SATB2: variants seen among roughly 807,000 people sequenced by gnomAD.
SATB2 encodes SATB homeobox 2.
Under a neutral mutation model 73.4 loss-of-function variants are expected in SATB2, and 1 was observed. The observed-to-expected ratio is 0.01, with a 90% confidence interval of 0.00 to 0.06. The LOEUF is 0.06. Ranked by LOEUF, SATB2 falls within the 10% of genes least tolerant of loss-of-function variation. The probability of loss-of-function intolerance (pLI) is 1.00; values close to 1 mark genes in which losing one functional copy is unlikely to be tolerated. For synonymous variants in SATB2, 397 were observed against 367.0 expected, an observed-to-expected ratio of 1.08 and a Z score of -0.93; for missense variants, 459 against 945.8, an observed-to-expected ratio of 0.49 and a Z score of 6.75.
At chr2:199,448,640 T>A (rs937979077) in intron 2 of SATB2, among the ~76,000 whole-genome samples, 1 of 152,124 alleles carries the variant, frequency 6.6e-6, no homozygotes, top group African/African-American at 2.4e-5. Flanking sequence ...ATTATATACA[T>A]AAATATCTGT....
intron 3 of SATB2, among the ~76,000 whole-genome samples, chr2:199,431,900 A>C (rs1203605941): frequency 6.6e-6 from 1 of 152,220 alleles, no homozygotes; most frequent in Non-Finnish European, 1.5e-5. Flanking sequence ...AAATATCCCT[A>C]AAGTGGCATG....
At chr2:199,468,451 G>T (rs958709666), upstream of SATB2, among the ~76,000 whole-genome samples, 4 of 152,096 alleles carry the variant, frequency 2.6e-5, no homozygotes, top group African/African-American at 9.7e-5. Flanking sequence ...CGCCTGGCAG[G>T]GCCTTCGCTT....
Position 199,269,550 on chromosome 2 carries a change from T to C in SATB2, c.*2661A>G, listed in dbSNP as rs1462877045. ...TAACAACCAAAAAATTCTAACAGCC[T>C]AACAATGCACATAAGTTAAAAATTA... On this transcript the variant is annotated 3_prime_UTR_variant, in exon 11 of 11. Coordinates refer to ENST00000417098, the MANE Select transcript of SATB2 (RefSeq NM_001172509.2). 1 of 152,754 alleles carries C rather than the reference T, an allele frequency of 6.5e-6. No homozygotes were observed. Among genetic ancestry groups the C allele is most frequent in the African/African-American group, 2.4e-5 (1 of 41,440 alleles). The allele number at this position is 152,754 out of a possible 1,614,324, so 9.5% of individuals were successfully genotyped here.
Position 199,295,474 on chromosome 2 carries a change from C to A in SATB2, c.1740+13286G>T, listed in dbSNP as rs1693003056. On this transcript the variant is annotated intron_variant, in intron 10 of 10. Transcript: ENST00000417098. ...CACCAGTTTTTGTAGTGTGAATAATCCCACCATGGCCAGTTTCACGCTGCC... is the reference window on the plus strand; with the variant it reads ...CACCAGTTTTTGTAGTGTGAATAATACCACCATGGCCAGTTTCACGCTGCC... 4.0e-5 allele frequency among the ~76,000 whole-genome samples: 6 copies of A among 151,652 alleles called. No homozygotes were observed. In the South Asian group the frequency reaches 1.0e-3, roughly 26 times the overall value.
At chr2:199,318,388 A>T (rs986064754) in intron 9 of SATB2, among the ~76,000 whole-genome samples, 3 of 152,130 alleles carry the variant, frequency 2.0e-5, no homozygotes, top group Non-Finnish European at 4.4e-5. Context: ...AAGGCTAGGA[A>T]ACTAAGTAAT....
At chr2:199,337,953 G>A (rs1688384728) in intron 7 of SATB2, among the ~76,000 whole-genome samples, 1 of 152,030 alleles carries the variant, frequency 6.6e-6, no homozygotes, top group African/African-American at 2.4e-5. Context: ...ATAAATAACA[G>A]AATTTAAAGC....
In SATB2 at chr2:199,437,714, G is replaced by C. The variant is rs141541918; in HGVS notation, c.170-4200C>G. Among the ~76,000 whole-genome samples the C allele has an allele frequency of 4.7e-3, 723 of 152,220 alleles. 7 individuals are homozygous for C. Among genetic ancestry groups the C allele is most frequent in the Non-Finnish European group, 8.7e-3 (593 of 68,008 alleles). ...AGATTAAACAATTTTACATATTTAA[G>C]TTGTCTGACAGATAGCTCTCAAACA... is the stretch of plus-strand genomic sequence containing the variant. On this transcript the variant is annotated intron_variant, in intron 2 of 10. Transcript: ENST00000417098.
intron 6 of SATB2, among the ~76,000 whole-genome samples, chr2:199,359,054 C>T (rs989927323): frequency 1.3e-5 from 2 of 152,054 alleles, no homozygotes; most frequent in African/African-American, 2.4e-5. Context: ...GAATTCAGCA[C>T]ATGATAGTAA....
Position 199,380,311 on chromosome 2 carries a change from G to C in SATB2, c.597+53C>G, listed in dbSNP as rs1689731442. On this transcript the variant is annotated intron_variant, in intron 5 of 10. Transcript: ENST00000417098. ...TAAGCAGAAGGAACCCCCTGATAGA[G>C]AGTCTACCAATGGCTTCTTCTGTTT... 8.1e-6 allele frequency: 13 copies of C among 1,609,212 alleles called. No homozygotes were observed. The South Asian group carries it at 1.2e-4, about 15-fold the overall frequency.
intron 10 of SATB2, among the ~76,000 whole-genome samples, chr2:199,305,386 T>C (rs1053183601): frequency 1.6e-4 from 24 of 151,920 alleles, no homozygotes; most frequent in Admixed American, 1.4e-3. Flanking sequence ...TCCGAAAAAA[T>C]AACTAATGGG....
chr2:199,418,382 C>T (rs572550622), intron 3 of SATB2, among the ~76,000 whole-genome samples: 1 of 152,284 alleles, frequency 6.6e-6, no homozygotes, highest in South Asian at 2.1e-4. Flanking sequence ...TGAGCGAAGT[C>T]ATCGTGATCA....
In SATB2 at chr2:199,272,292, G is replaced by A. The variant is rs141424911; in HGVS notation, c.2121C>T (p.Ser707=). ...CAGCCTCCACTTTGTACATCTCCTCGGAGCCTTCCTCGCTGTCGTTCTCCT... is the reference window on the plus strand; with the variant it reads ...CAGCCTCCACTTTGTACATCTCCTCAGAGCCTTCCTCGCTGTCGTTCTCCT... ...ESEENDSEEG[S]EEMYKVEAEE... Residue 707 remains serine, a synonymous_variant, in exon 11 of 11, where the codon TCC becomes TCT. Transcript: ENST00000417098. This position sits in a 1 kb window ranked among gnomAD's most constrained non-coding sequence, Gnocchi z 6.7. The A allele has an allele frequency of 3.8e-4, 613 of 1,614,076 alleles. No homozygotes were observed. The highest frequency in any genetic ancestry group is 2.1e-3 in the African/African-American group (159 of 75,012).
In SATB2 at chr2:199,403,289, T is replaced by C. The variant is rs541816628; in HGVS notation, c.347-21469A>G. Among the ~76,000 whole-genome samples the C allele has an allele frequency of 1.6e-3, 245 of 152,246 alleles. 1 individual carries two copies. The highest frequency in any genetic ancestry group is 5.5e-3 in the African/African-American group (228 of 41,558). ...TAATGCCATGACAAAATGATTAATA[T>C]TGTAATATTAAGTGAAAAACTTATT... On this transcript the variant is annotated intron_variant, in intron 3 of 10. Transcript: ENST00000417098.
intron 10 of SATB2, among the ~76,000 whole-genome samples, chr2:199,297,798 TA>T (rs5837673): frequency 0.57 from 84,189 of 147,170 alleles, 25,852 homozygotes; most frequent in Non-Finnish European, 0.69. Flanking sequence ...TTTTTAAGCT[TA>T]AAAAAAAAAA....
At chr2:199,336,631 A>T (rs1436241406) in intron 7 of SATB2, among the ~76,000 whole-genome samples, 1 of 152,190 alleles carries the variant, frequency 6.6e-6, no homozygotes, top group Non-Finnish European at 1.5e-5. Context: ...ATTAGTTTTA[A>T]TCACCTTCAG....
intron 10 of SATB2, among the ~76,000 whole-genome samples, chr2:199,282,685 A>C (rs945834777): frequency 5.3e-5 from 8 of 152,230 alleles, no homozygotes; most frequent in African/African-American, 1.9e-4. Flanking sequence ...AAACGTGAGG[A>C]GTATTTAAGA....
intron 3 of SATB2, among the ~76,000 whole-genome samples, chr2:199,386,759 CACACA>C (rs1689974747): frequency 2.6e-5 from 3 of 116,546 alleles, no homozygotes; most frequent in Non-Finnish European, 5.6e-5. Flanking sequence ...CACACACACA[CACACA>C]CACCTTTGAG....
chr2:199,440,457 T>C (rs1002083510), intron 2 of SATB2, among the ~76,000 whole-genome samples: 1 of 152,206 alleles, frequency 6.6e-6, no homozygotes, highest in South Asian at 2.1e-4. Flanking sequence ...CACAGTATAA[T>C]ATATATTTTA....
At chr2:199,439,483 A>G (rs1691745860) in intron 2 of SATB2, among the ~76,000 whole-genome samples, 1 of 152,234 alleles carries the variant, frequency 6.6e-6, no homozygotes, top group African/African-American at 2.4e-5. Context: ...AAAGCCTTGC[A>G]TATCTTTTCT....
Sources: allele counts gnomAD v4.1 joint callset (sites outside exome capture counted in the v4.1 genomes callset), GRCh38; gene constraint gnomAD v4.1.1; non-coding constraint Gnocchi (gnomAD v3.1); transcripts MANE v1.5; gene names NCBI Gene and HGNC (gene_info 2026-07-23, HGNC 2026-07-21).